PSMD9: variants seen among roughly 807,000 people sequenced by gnomAD.
PSMD9 encodes the protein 26S proteasome non-ATPase regulatory subunit 9.
PSMD9 carries 26 observed loss-of-function variants against 25.9 expected under a neutral mutation model. The observed-to-expected ratio is 1.00, with a 90% CI of 0.73 to 1.39. The LOEUF is 1.39. PSMD9 is among the 40% of genes most tolerant of loss of function. The probability of loss-of-function intolerance (pLI) is 0.00; values close to 1 mark genes in which losing one functional copy is unlikely to be tolerated. For synonymous variants in PSMD9, 110 were observed against 114.5 expected (o/e 0.96, Z 0.25); for missense variants, 303 against 299.3 (o/e 1.01, Z -0.09).
Position 121,894,839 on chromosome 12 carries a change from T to A in PSMD9, c.239T>A (p.Ile80Lys). 6.2e-7 allele frequency: 1 copy of A among 1,612,490 alleles called. No individual in the cohort carries two copies. The highest frequency in any genetic ancestry group is 1.1e-5 in the South Asian group (1 of 90,796). Reference protein sequence around the residue: ...YQVRTARHNIICLQNDHKAVM... With the variant: ...YQVRTARHNIKCLQNDHKAVM... ...GTCCGCACCGCCAGGCACAACATCA[T>A]ATGTGAGTGGCCCTCTTAGAAGACT... Residue 80 changes from isoleucine (I) to lysine (K), a missense_variant and splice_region_variant, in exon 2 of 6, where the codon ATA becomes AAA. Coordinates refer to ENST00000541212, the MANE Select transcript of PSMD9 (RefSeq NM_002813.7).
At position 121,888,964 on chromosome 12, in the gene PSMD9, G is replaced by T. The variant is rs1442286641; in HGVS notation, c.108G>T (p.Gln36His). The T allele has an allele frequency of 1.3e-6, 2 of 1,590,764 alleles. No individual in the cohort carries two copies. Among genetic ancestry groups the T allele is most frequent in the Non-Finnish European group, 1.7e-6 (2 of 1,169,208 alleles). Residue 36 changes from glutamine to histidine, a missense_variant, in exon 1 of 6, where the codon CAG becomes CAT. Physicochemically the swap from Gln to His is conservative, Grantham distance 24. Transcript: ENST00000541212. ...GGCGCAAGGAGGAGATAGAAGCGCA[G>T]ATCAAGGCCAACTATGACGTGCTGG... ...LMRRKEEIEA[Q>H]IKANYDVLES...
Position 121,894,820 on chromosome 12 carries a change from A to G in PSMD9, c.220A>G (p.Thr74Ala). ...RSDVDLYQVR[T>A]ARHNIICLQN... Reference sequence around the variant, plus strand: ...AGACGTGGACCTGTACCAAGTCCGCACCGCCAGGCACAACATCATATGTGA... The same window carrying G: ...AGACGTGGACCTGTACCAAGTCCGCGCCGCCAGGCACAACATCATATGTGA... The change falls in exon 2 of 6, where the codon ACC (threonine) becomes GCC (alanine). Residue 74 changes from threonine (T) to alanine (A), a missense_variant. Coordinates refer to ENST00000541212, the MANE Select transcript of PSMD9 (RefSeq NM_002813.7). 1 of 1,613,722 alleles carries G rather than the reference A, an allele frequency of 6.2e-7. No individual in the cohort carries two copies.
At chr12:121,907,280 G>A (rs1224525687) in intron 4 of PSMD9, among the ~76,000 whole-genome samples, 5 of 152,188 alleles carry the variant, frequency 3.3e-5, no homozygotes, top group Middle Eastern at 3.4e-3. Context: ...ATGTTGGCCA[G>A]GCGGGTCTTG....
chr12:121,908,236 T>A (rs1223319873), intron 4 of PSMD9: 1 of 151,792 alleles, frequency 6.6e-6, no homozygotes, highest in East Asian at 1.9e-4. Flanking sequence ...TGGAGTGCAG[T>A]GGCGCGATCT....
chr12:121,898,326 T>C (rs1243105082), intron 2 of PSMD9: 1 of 152,226 alleles, frequency 6.6e-6, no homozygotes, highest in African/African-American at 2.4e-5. Context: ...CACAACATTT[T>C]GAATTAGCTA....
At chr12:121,904,999 AG>A (rs1342313045) in intron 4 of PSMD9, among the ~76,000 whole-genome samples, 5 of 151,790 alleles carry the variant, frequency 3.3e-5, no homozygotes, top group African/African-American at 1.2e-4. Context: ...ACCCATTTAA[AG>A]TGGTTTTTAG....
At chr12:121,903,469 C>A (rs1879459270) in intron 4 of PSMD9, among the ~76,000 whole-genome samples, 1 of 152,134 alleles carries the variant, frequency 6.6e-6, no homozygotes, top group South Asian at 2.1e-4. Context: ...GGGCCACAGA[C>A]ATTCAGGTCA....
At chr12:121,910,960 C>CT (rs1268682840) in intron 4 of PSMD9, 2 of 456,538 alleles carry the variant, frequency 4.4e-6, no homozygotes, top group Non-Finnish European at 8.8e-6. Context: ...ACCCACCATC[C>CT]TACTTTCTGT....
chr12:121,915,803 C>T lies in PSMD9; in HGVS notation c.556-53C>T, dbSNP rs1324223109. Reference sequence around the variant, plus strand: ...AATGGGATCTCAGCATTTTAGCCTGCATCTCTGAGTACTAACGAGGCTGAA... The same window carrying T: ...AATGGGATCTCAGCATTTTAGCCTGTATCTCTGAGTACTAACGAGGCTGAA... On this transcript the variant is annotated intron_variant, in intron 4 of 5. Transcript: ENST00000541212. 12 of 1,430,694 alleles carry T rather than the reference C, an allele frequency of 8.4e-6. No homozygotes were observed. The South Asian group carries it at 1.2e-4, about 15-fold the overall frequency. The allele number at this position is 1,430,694 out of a possible 1,614,324, so 88.6% of individuals were successfully genotyped here. A position where few individuals can be genotyped will look rare whatever the true frequency, so the allele number is the denominator to read the frequency against.
intron 2 of PSMD9, chr12:121,898,174 C>T (rs1342223815): frequency 6.6e-6 from 1 of 152,218 alleles, no homozygotes; most frequent in East Asian, 1.9e-4. Context: ...TGAATCCCTT[C>T]ATGACTGAGG....
At chr12:121,907,474 C>T (rs1879595226) in intron 4 of PSMD9, among the ~76,000 whole-genome samples, 1 of 152,166 alleles carries the variant, frequency 6.6e-6, no homozygotes, top group African/African-American at 2.4e-5. Flanking sequence ...CAACCTCTGC[C>T]TCCCGGCACC....
chr12:121,889,009 G>T lies in PSMD9; in HGVS notation c.138+15G>T. 6.3e-7 allele frequency: 1 copy of T among 1,576,036 alleles called. No individual in the cohort carries two copies. Among genetic ancestry groups the T allele is most frequent in the Non-Finnish European group, 8.6e-7 (1 of 1,160,754 alleles). On this transcript the variant is annotated intron_variant, in intron 1 of 5. Transcript: ENST00000541212. ...TGCTGGAAAGCGTGAGTGTGGGTTC[G>T]GGGCGCCCCAAGTCGCCTAACCCGG...
intron 2 of PSMD9, among the ~76,000 whole-genome samples, chr12:121,895,770 T>C (rs1032139670): frequency 2.0e-5 from 3 of 152,202 alleles, no homozygotes; most frequent in Admixed American, 6.5e-5. Context: ...TCCAGGATCA[T>C]GTCCGAATCT....
intron 2 of PSMD9, chr12:121,898,002 G>A (rs1253815717): frequency 6.6e-6 from 1 of 152,206 alleles, no homozygotes; most frequent in Admixed American, 6.6e-5. Flanking sequence ...GCACTTCCCT[G>A]TGCCAGGCAT....
At chr12:121,911,032 T>TTTTTG (rs58759018) in intron 4 of PSMD9, 128,541 of 450,570 alleles carry the variant, frequency 0.29, 20,197 homozygotes, top group East Asian at 0.5. Flanking sequence ...CTGTGTAGTT[T>TTTTTG]TTTTGTTTTG....
In PSMD9 at chr12:121,909,271, C is replaced by T. The variant is rs552100869; in HGVS notation, c.555+6164C>T. 2.0e-5 allele frequency among the ~76,000 whole-genome samples: 3 copies of T among 151,858 alleles called. No homozygotes were observed. In the East Asian group the frequency reaches 5.8e-4, roughly 29 times the overall value. On this transcript the variant is annotated intron_variant, in intron 4 of 5. Coordinates refer to ENST00000541212, the MANE Select transcript of PSMD9 (RefSeq NM_002813.7). ...ACTGGAAGCACACAAGTGTGTCCCTCACACAGTTTCCACACGTGGGTGCAT... is the reference window on the plus strand; with the variant it reads ...ACTGGAAGCACACAAGTGTGTCCCTTACACAGTTTCCACACGTGGGTGCAT...
chr12:121,915,630 T>G, intron 4 of PSMD9: 1 of 528,196 alleles, frequency 1.9e-6, no homozygotes, highest in Non-Finnish European at 3.3e-6. Flanking sequence ...TTAAAGATCG[T>G]TGGTGGTGGG....
chr12:121,894,659 C>G (rs1330709085), intron 1 of PSMD9, 80 bp from the exon 2 acceptor site: 1 of 1,212,256 alleles, frequency 8.2e-7, no homozygotes, highest in Non-Finnish European at 1.2e-6. Context: ...ATTATGACTT[C>G]AGAGGAGAAG....
chr12:121,892,399 A>G (rs1879110430), intron 1 of PSMD9, among the ~76,000 whole-genome samples: 1 of 151,994 alleles, frequency 6.6e-6, no homozygotes, highest in South Asian at 2.1e-4. Flanking sequence ...GCCTATCTTT[A>G]CAAAAAATTC....
Sources: gnomAD v4.1 joint callset for allele counts (sites outside exome capture counted in the v4.1 genomes callset) on GRCh38, gnomAD v4.1.1 for gene constraint, MANE v1.5 for transcripts, NCBI Gene and HGNC (gene_info 2026-07-23, HGNC 2026-07-21) for gene names.